MAST4: variants seen among roughly 807,000 people sequenced by gnomAD.
The protein encoded by MAST4 is microtubule associated serine/threonine kinase family member 4, also known as microtubule-associated serine/threonine-protein kinase 4.
Under a neutral mutation model 162.7 loss-of-function variants are expected in MAST4, and 89 were observed. The observed-to-expected ratio is 0.55, with a 90% CI of 0.46 to 0.65. The LOEUF (loss-of-function observed/expected upper bound fraction) is 0.65. Ranked by LOEUF, MAST4 falls within the 30% of genes least tolerant of loss-of-function variation. The pLI is 0.00. For missense variants in MAST4, 3,153 were observed against 3,374.0 expected (o/e 0.93, Z 1.62); for synonymous variants, 1,479 against 1,361.1 (o/e 1.09, Z -1.91).
chr5:66,967,090 A>G (rs1186252306), intron 4 of MAST4, among the ~76,000 whole-genome samples: 1 of 152,202 alleles, frequency 6.6e-6, no homozygotes, highest in Non-Finnish European at 1.5e-5. Flanking sequence ...GTATCCCTGC[A>G]CAGATTTTGT....
chr5:66,913,702 G>T (rs546147518), intron 4 of MAST4, among the ~76,000 whole-genome samples: 3 of 152,248 alleles, frequency 2.0e-5, no homozygotes, highest in African/African-American at 7.2e-5. Flanking sequence ...GAGCTAAGCC[G>T]TCTTTCCCTA....
At chr5:67,097,897 A>T (rs1379031470) in intron 7 of MAST4, among the ~76,000 whole-genome samples, 1 of 152,108 alleles carries the variant, frequency 6.6e-6, no homozygotes, top group Non-Finnish European at 1.5e-5. Flanking sequence ...TAGGAAAGCT[A>T]CTTCTCTATT....
intron 19 of MAST4, among the ~76,000 whole-genome samples, chr5:67,139,874 G>A (rs1032740166): frequency 2.0e-5 from 3 of 152,150 alleles, no homozygotes; most frequent in Admixed American, 6.5e-5. Flanking sequence ...CCAGCTTCTC[G>A]TAAGTGAGGC....
chr5:66,921,294 G>T (rs1398975423), intron 4 of MAST4, among the ~76,000 whole-genome samples: 2 of 152,068 alleles, frequency 1.3e-5, no homozygotes, highest in Non-Finnish European at 2.9e-5. Context: ...AATATTTCAG[G>T]CCTCATGTTC....
chr5:66,677,739 G>A (rs934735502), intron 1 of MAST4, among the ~76,000 whole-genome samples: 6 of 152,164 alleles, frequency 3.9e-5, no homozygotes, highest in Non-Finnish European at 8.8e-5. Context: ...AATGAGCCAG[G>A]CACACTTAAA....
chr5:66,715,258 A>G (rs1317766637), intron 1 of MAST4, among the ~76,000 whole-genome samples: 1 of 152,196 alleles, frequency 6.6e-6, no homozygotes, highest in African/African-American at 2.4e-5. Flanking sequence ...GAGGGCATGA[A>G]TCTAATGTCT....
chr5:67,080,799 G>A (rs1022402764), intron 5 of MAST4, among the ~76,000 whole-genome samples: 3 of 150,608 alleles, frequency 2.0e-5, no homozygotes, highest in Non-Finnish European at 2.9e-5. Context: ...ATGAAAGCAA[G>A]CATGAGATGC....
intron 1 of MAST4, among the ~76,000 whole-genome samples, chr5:66,641,998 T>C (rs1745519171): frequency 6.6e-6 from 1 of 152,222 alleles, no homozygotes; most frequent in South Asian, 2.1e-4. Context: ...AAATGAAGAA[T>C]TGATACATTT....
At chr5:67,143,258 C>G (rs1345182036) in intron 21 of MAST4, among the ~76,000 whole-genome samples, 1 of 76,812 alleles carries the variant, frequency 1.3e-5, no homozygotes, top group Non-Finnish European at 2.6e-5. Context: ...CCGTTCTCCA[C>G]AAAAAGGAAA....
chr5:66,626,833 G>T (rs1428175928), intron 1 of MAST4, among the ~76,000 whole-genome samples: 4 of 152,172 alleles, frequency 2.6e-5, no homozygotes, highest in Admixed American at 6.5e-5. Context: ...TAAAAGCCTG[G>T]AAGTCAGGAA....
chr5:66,775,806 A>G (rs1732333922), intron 2 of MAST4, among the ~76,000 whole-genome samples: 1 of 152,172 alleles, frequency 6.6e-6, no homozygotes, highest in South Asian at 2.1e-4. Context: ...ACAAATGGCC[A>G]TTTGGAGGCG....
chr5:66,614,635 C>G (rs781006290), intron 1 of MAST4, among the ~76,000 whole-genome samples: 1 of 152,118 alleles, frequency 6.6e-6, no homozygotes, highest in Non-Finnish European at 1.5e-5. Context: ...AAGGGACTTT[C>G]AATTTTCTCC....
In MAST4 at chr5:67,162,640, G is replaced by A. The variant is rs779808122; in HGVS notation, c.3819G>A (p.Gln1273=). 12 of 1,613,774 alleles carry A rather than the reference G, an allele frequency of 7.4e-6. No individual in the cohort carries two copies. The highest frequency in any genetic ancestry group is 1.3e-5 in the African/African-American group (1 of 74,886). ...CTCTTTTCAAAAAGCTAGCCAAGCA[G>A]CCTTCTCCTTTACTCCACACCAGCC... is the stretch of plus-strand genomic sequence containing the variant. The part of the protein sequence containing the change: ...RRSLFKKLAK[Q]PSPLLHTSRS... The change falls in exon 28 of 29, where the codon CAG becomes CAA. Residue 1273 remains glutamine, a synonymous_variant. Coordinates refer to ENST00000403625, the MANE Select transcript of MAST4 (RefSeq NM_001164664.2).
At chr5:66,714,863 T>C (rs1750720887) in intron 1 of MAST4, among the ~76,000 whole-genome samples, 1 of 152,346 alleles carries the variant, frequency 6.6e-6, no homozygotes, top group Admixed American at 6.5e-5. Context: ...TTGCTGGGCT[T>C]GTTTGGTCCT....
chr5:66,881,371 A>G (rs963059552), intron 3 of MAST4, among the ~76,000 whole-genome samples: 7 of 152,206 alleles, frequency 4.6e-5, no homozygotes, highest in African/African-American at 1.7e-4. Flanking sequence ...AGCTGCTGGA[A>G]TTTCTATGTT....
Position 67,164,015 on chromosome 5 carries a change from C to A in MAST4, c.4836C>A (p.Ser1612Arg), listed in dbSNP as rs200132752. 6.8e-5 allele frequency: 108 copies of A among 1,592,770 alleles called. No individual in the cohort carries two copies. Among genetic ancestry groups the A allele is most frequent in the Non-Finnish European group, 6.2e-5 (73 of 1,169,460 alleles). The change falls in exon 29 of 29, where the codon AGC (serine) becomes AGA (arginine). Residue 1612 changes from serine to arginine, a missense_variant. By Grantham distance (110) the Ser-to-Arg change is moderately radical (BLOSUM62 -1). Coordinates refer to ENST00000403625, the MANE Select transcript of MAST4 (RefSeq NM_001164664.2). This position sits in a 1 kb window ranked among gnomAD's most constrained non-coding sequence, Gnocchi z 5.3. ...LLKDALHKQA[S>R]VRASEGAMSD... The stretch of plus-strand genomic sequence containing the variant: ...AGGATGCTCTTCACAAGCAGGCCAG[C>A]GTGCGCGCCAGCGAGGGTGCGATGT...
chr5:67,118,558 G>A (rs1016719376), intron 12 of MAST4, 124 bp from the exon 13 acceptor site: 1 of 623,098 alleles, frequency 1.6e-6, no homozygotes, highest in Admixed American at 2.9e-5. Flanking sequence ...TTTCCCATGG[G>A]CACATTGGAG....
At chr5:67,100,329 C>A in intron 7 of MAST4, 106 bp from the exon 8 acceptor site, 4 of 1,055,344 alleles carry the variant, frequency 3.8e-6, no homozygotes, top group Non-Finnish European at 2.7e-6. Context: ...GAAAAAGAAA[C>A]AATAAAAATG....
rs1769662911 is a variant in MAST4, at chr5:67,136,518, C to T, written c.2393-45C>T. Reference sequence around the variant, plus strand: ...ATGTCCATGTTGCTGGGACCTGGACCCTCTTGTGAACAATATGGTTATAAA... The same window carrying T: ...ATGTCCATGTTGCTGGGACCTGGACTCTCTTGTGAACAATATGGTTATAAA... On this transcript the variant is annotated intron_variant, in intron 18 of 28. Transcript: ENST00000403625. The T allele has an allele frequency of 2.1e-6, 3 of 1,430,774 alleles. No homozygotes were observed. In the African/African-American group the frequency reaches 4.2e-5, roughly 20 times the overall value. 88.6% of individuals were successfully genotyped at this position (1,430,774 alleles called of 1,614,324 possible).
Sources: gnomAD v4.1 joint callset for allele counts (sites outside exome capture counted in the v4.1 genomes callset) on GRCh38, gnomAD v4.1.1 for gene constraint, Gnocchi (gnomAD v3.1) non-coding constraint, MANE v1.5 for transcripts, NCBI Gene and HGNC (gene_info 2026-07-23, HGNC 2026-07-21) for gene names.